F8: variants seen among roughly 807,000 people sequenced by gnomAD.
The protein encoded by F8 is antihemophilic factor.
In F8, 12 loss-of-function variants were observed where a neutral mutation model predicts 140.6. The ratio of observed to expected loss-of-function variants is 0.09; its 90% confidence interval spans 0.05 to 0.14. F8 has a LOEUF of 0.14. Among genes scored for constraint, F8 ranks in the 10% least tolerant of loss-of-function variants. The pLI is 1.00. For missense variants in F8, 1,354 were observed against 1,720.7 expected (o/e 0.79, Z 3.77); for synonymous variants, 585 against 614.6 (o/e 0.95, Z 0.71).
chrX:154,918,795 T>G (rs1339800202), intron 14 of F8: 1 of 101,854 alleles, frequency 9.8e-6, no homozygotes, highest in African/African-American at 3.6e-5. Context: ...TGTTTTTTTT[T>G]TTTTTTTTTT....
At chrX:154,911,001 C>T (rs2073064135) in intron 14 of F8, among the ~76,000 whole-genome samples, 1 of 110,205 alleles carries the variant, frequency 9.1e-6, no homozygotes, top group South Asian at 4.0e-4. Flanking sequence ...CAGCACATTT[C>T]CTTAAACTTA....
intron 1 of F8, among the ~76,000 whole-genome samples, chrX:155,017,159 A>C (rs938907599): frequency 7.0e-4 from 79 of 112,934 alleles, no homozygotes; most frequent in African/African-American, 2.4e-3. Flanking sequence ...TTGATGCACC[A>C]TTGCTGGTAG....
Position 154,931,208 on chromosome X carries a change from T to C in F8, c.2582A>G (p.His861Arg). Residue 861 changes from histidine (H) to arginine (R), a missense_variant, in exon 14 of 26, where the codon CAT becomes CGT. Transcript: ENST00000360256. ...SEMTHFRPQLHHSGDMVFTPE... is the reference protein window; with the variant it reads ...SEMTHFRPQLRHSGDMVFTPE... Reference sequence around the variant, plus strand: ...GGTAAATACCATGTCCCCACTGTGATGGAGCTGTGGCCTGAAGTGTGTCAT... The same window carrying C: ...GGTAAATACCATGTCCCCACTGTGACGGAGCTGTGGCCTGAAGTGTGTCAT... 8.3e-7 allele frequency: 1 copy of C among 1,210,251 alleles called. No individual in the cohort carries two copies. Among genetic ancestry groups the C allele is most frequent in the East Asian group, 3.0e-5 (1 of 33,849 alleles).
intron 25 of F8, among the ~76,000 whole-genome samples, chrX:154,851,461 T>C (rs1364501223): frequency 3.6e-5 from 4 of 112,173 alleles, no homozygotes; most frequent in Non-Finnish European, 7.5e-5. Context: ...ACTGAGGAAC[T>C]GCCAAAATAT....
At chrX:154,957,991 A>G (rs1412703997) in intron 10 of F8, among the ~76,000 whole-genome samples, 3 of 110,811 alleles carry the variant, frequency 2.7e-5, no homozygotes, top group African/African-American at 9.9e-5. Flanking sequence ...GAGGGAGGGT[A>G]GGTAATAGAA....
At position 154,929,241 on chromosome X, in the gene F8, C is replaced by G. The variant is rs782056541; in HGVS notation, c.4549G>C (p.Val1517Leu). 11 of 1,209,978 alleles carry G rather than the reference C, an allele frequency of 9.1e-6. No individual in the cohort carries two copies. Among genetic ancestry groups the G allele is most frequent in the Non-Finnish European group, 1.2e-5 (11 of 895,266 alleles). ...AATAGGTCCTTCTGATAAATGTGAA[C>G]TTTTGGAAGCAATTCAACTTTGCCA... ...TSGKVELLPKVHIYQKDLFPT... is the reference protein window; with the variant it reads ...TSGKVELLPKLHIYQKDLFPT... The change falls in exon 14 of 26, where the codon GTT (valine) becomes CTT (leucine). Residue 1517 changes from valine (V) to leucine (L), a missense_variant. Transcript: ENST00000360256.
intron 1 of F8, among the ~76,000 whole-genome samples, chrX:155,020,900 A>G (rs1557287463): frequency 1.8e-5 from 2 of 112,412 alleles, no homozygotes; most frequent in Non-Finnish European, 3.8e-5. Context: ...GAAATGTTTG[A>G]AAAGTTCTGA....
chrX:154,901,304 C>A (rs1435912986), intron 20 of F8, 67 bp downstream of exon 20: 4 of 727,582 alleles, frequency 5.5e-6, no homozygotes, highest in Non-Finnish European at 8.8e-6. Context: ...ATCTGAGATT[C>A]TCCACCAGAT....
At chrX:154,997,136 G>A in intron 2 of F8, 41 bp from the exon 3 acceptor site, 2 of 1,206,684 alleles carry the variant, frequency 1.7e-6, no homozygotes, top group South Asian at 3.5e-5. Context: ...CTTGGGGATA[G>A]TACTCCAGAA....
intron 22 of F8, among the ~76,000 whole-genome samples, chrX:154,878,307 A>G (rs1269998854): frequency 9.1e-6 from 1 of 110,259 alleles, no homozygotes; most frequent in Non-Finnish European, 1.9e-5. Flanking sequence ...CTGGTTCAAC[A>G]TAAGACAATC....
intron 5 of F8, 63 bp from the exon 6 acceptor site, chrX:154,984,866 C>T: frequency 1.0e-5 from 9 of 877,094 alleles, no homozygotes; most frequent in Admixed American, 2.2e-5. Flanking sequence ...GACCGCCTCC[C>T]CTTTCTCCTT....
chrX:154,954,100 AGCTAGCAGTCTAT>A, intron 11 of F8, 58 bp from the exon 12 acceptor site: 1 of 1,110,276 alleles, frequency 9.0e-7, no homozygotes, highest in South Asian at 1.8e-5. Context: ...GTCAGGTAGG[AGCTAGCAGTCTAT>A]GATGAAAGCG....
At chrX:154,982,744 A>G (rs201607120) in intron 6 of F8, among the ~76,000 whole-genome samples, 1 of 109,118 alleles carries the variant, frequency 9.2e-6, no homozygotes, top group Non-Finnish European at 1.9e-5. Flanking sequence ...TCCACTGAAA[A>G]CTCTGCATGA....
intron 22 of F8, among the ~76,000 whole-genome samples, chrX:154,891,266 G>C (rs1465775421): frequency 1.8e-5 from 2 of 112,935 alleles, no homozygotes; most frequent in African/African-American, 6.4e-5. Context: ...GCACACTATT[G>C]AATGTTAAGT....
At chrX:154,869,665 G>A (rs1213514934) in intron 22 of F8, among the ~76,000 whole-genome samples, 1 of 111,304 alleles carries the variant, frequency 9.0e-6, no homozygotes, top group African/African-American at 3.3e-5. Context: ...AAATTCAAAA[G>A]CTAGCAGAAG....
rs782663526 is a variant in F8 at position 154,907,975 on chromosome X, A to T, written c.5220-1402T>A. Among the ~76,000 whole-genome samples the T allele has an allele frequency of 1.4e-4, 15 of 108,706 alleles. No individual in the cohort carries two copies. The East Asian group carries it at 1.4e-3, about 10-fold the overall frequency. The allele number at this position is 108,706 out of a possible 115,157, so 94.4% of individuals were successfully genotyped here. A position where few individuals can be genotyped will look rare whatever the true frequency, so the allele number is the denominator to read the frequency against. On this transcript the variant is annotated intron_variant, in intron 14 of 25. Transcript: ENST00000360256. ...TGTAATTTTAATGTGTGGAATTTAT[A>T]AAAAAAAACCTTATTGGCTAGGGCT...
intron 6 of F8, among the ~76,000 whole-genome samples, chrX:154,983,464 G>A (rs1324125906): frequency 1.8e-5 from 2 of 111,818 alleles, no homozygotes; most frequent in Non-Finnish European, 3.8e-5. Flanking sequence ...GTAGAATCGT[G>A]GTTACCATAG....
At chrX:154,959,337 G>A (rs1557281453) in intron 10 of F8, among the ~76,000 whole-genome samples, 1 of 111,476 alleles carries the variant, frequency 9.0e-6, no homozygotes, top group Admixed American at 9.5e-5. Context: ...AGTGAGCCAA[G>A]ATCGTGCCAC....
chrX:154,957,710 A>G (rs2073372092), intron 10 of F8, among the ~76,000 whole-genome samples: 1 of 109,704 alleles, frequency 9.1e-6, no homozygotes, highest in Non-Finnish European at 1.9e-5. Flanking sequence ...ACATGGTGAA[A>G]CGCCATCTCT....
Sources: allele counts gnomAD v4.1 joint callset (sites outside exome capture counted in the v4.1 genomes callset), GRCh38; gene constraint gnomAD v4.1.1; transcripts MANE v1.5; gene names NCBI Gene and HGNC (gene_info 2026-07-23, HGNC 2026-07-21).